Variants in EXOC6B observed in about 807,000 individuals in gnomAD.
EXOC6B encodes exocyst complex component 6B.
A neutral mutation model predicts 113.5 loss-of-function variants in EXOC6B; 54 were observed. That is an observed-to-expected ratio of 0.48 (90% CI 0.38 to 0.60). The LOEUF (loss-of-function observed/expected upper bound fraction) is 0.60. Ranked by LOEUF, EXOC6B falls within the 20% of genes least tolerant of loss-of-function variation. The pLI is 0.00. For synonymous variants in EXOC6B, 357 were observed against 339.0 expected (o/e 1.05, Z -0.58); for missense variants, 797 against 977.5 (o/e 0.82, Z 2.46).
At chr2:72,714,351 T>C (rs1374571873) in intron 6 of EXOC6B, among the ~76,000 whole-genome samples, 2 of 152,088 alleles carry the variant, frequency 1.3e-5, no homozygotes, top group Non-Finnish European at 2.9e-5. Flanking sequence ...AAACAACTGG[T>C]AAAATTGGAA....
intron 6 of EXOC6B, among the ~76,000 whole-genome samples, chr2:72,638,544 G>A (rs980287404): frequency 2.6e-5 from 4 of 152,164 alleles, no homozygotes; most frequent in Admixed American, 6.5e-5. Flanking sequence ...AACCCTACAT[G>A]AGGCTGCAGC....
intron 6 of EXOC6B, among the ~76,000 whole-genome samples, chr2:72,581,175 A>G (rs1029656285): frequency 2.6e-5 from 4 of 152,240 alleles, no homozygotes; most frequent in African/African-American, 9.6e-5. Flanking sequence ...GAAGAATCCA[A>G]AGATGCCACT....
chr2:72,814,685 C>T (rs1686119015), intron 1 of EXOC6B, among the ~76,000 whole-genome samples: 2 of 152,162 alleles, frequency 1.3e-5, no homozygotes, highest in South Asian at 2.1e-4. Context: ...TAACAGATCT[C>T]AATTTTTTAA....
At chr2:72,258,262 T>C (rs1442799651) in intron 20 of EXOC6B, among the ~76,000 whole-genome samples, 1 of 152,102 alleles carries the variant, frequency 6.6e-6, no homozygotes, top group African/African-American at 2.4e-5. Flanking sequence ...AACGACAGGG[T>C]TGATGTTTGT....
At chr2:72,518,786 C>G (rs1476727427) in intron 8 of EXOC6B, among the ~76,000 whole-genome samples, 1 of 152,002 alleles carries the variant, frequency 6.6e-6, no homozygotes, top group Admixed American at 6.6e-5. Context: ...GGTATTTGTA[C>G]TGTAGCGACC....
intron 6 of EXOC6B, among the ~76,000 whole-genome samples, chr2:72,700,370 G>C (rs915452777): frequency 3.9e-5 from 6 of 151,906 alleles, no homozygotes; most frequent in African/African-American, 1.5e-4. Context: ...GGAAATTGAA[G>C]AACAGAAAAA....
chr2:72,437,341 C>T (rs1695941706), intron 18 of EXOC6B, among the ~76,000 whole-genome samples: 1 of 152,216 alleles, frequency 6.6e-6, no homozygotes, highest in South Asian at 2.1e-4. Context: ...TCAACCCCTG[C>T]TGGGAGGTGT....
chr2:72,683,948 T>C (rs926975758), intron 6 of EXOC6B, among the ~76,000 whole-genome samples: 4 of 152,208 alleles, frequency 2.6e-5, no homozygotes, highest in Non-Finnish European at 5.9e-5. Context: ...ACTTATTTAT[T>C]TGAGACAGAG....
At chr2:72,539,535 A>C (rs952806606) in intron 8 of EXOC6B, among the ~76,000 whole-genome samples, 1 of 152,156 alleles carries the variant, frequency 6.6e-6, no homozygotes, top group Non-Finnish European at 1.5e-5. Flanking sequence ...TTGCCCCTAG[A>C]CTACAGCCTC....
At chr2:72,322,429 T>G (rs918688160) in intron 20 of EXOC6B, among the ~76,000 whole-genome samples, 1 of 152,094 alleles carries the variant, frequency 6.6e-6, no homozygotes, top group Non-Finnish European at 1.5e-5. Flanking sequence ...GACAAAGGGA[T>G]GGGACTAATT....
intron 8 of EXOC6B, among the ~76,000 whole-genome samples, chr2:72,539,255 A>G (rs1423900516): frequency 6.6e-6 from 1 of 151,890 alleles, no homozygotes; most frequent in African/African-American, 2.4e-5. Context: ...TGTTATTTCT[A>G]CTCCCCACGA....
rs1188174081 is a variant in EXOC6B, at chr2:72,557,195, A to T, written c.915+2258T>A. Among the ~76,000 whole-genome samples the T allele has an allele frequency of 4.0e-5, 6 of 149,762 alleles. No individual in the cohort carries two copies. In the East Asian group the frequency reaches 1.2e-3, roughly 30 times the overall value. On this transcript the variant is annotated intron_variant, in intron 8 of 21. Transcript: ENST00000272427. The stretch of plus-strand genomic sequence containing the variant: ...ATTTACACATCTATGACCATATATT[A>T]CATATATTAGTGTTATTATTCTTGG...
At chr2:72,625,899 A>C (rs952806807) in intron 6 of EXOC6B, among the ~76,000 whole-genome samples, 1 of 152,206 alleles carries the variant, frequency 6.6e-6, no homozygotes, top group Non-Finnish European at 1.5e-5. Context: ...GGTTTTTTAC[A>C]AAACTATTAC....
chr2:72,301,316 G>C (rs1413684351), intron 20 of EXOC6B, among the ~76,000 whole-genome samples: 1 of 152,108 alleles, frequency 6.6e-6, no homozygotes, highest in Non-Finnish European at 1.5e-5. Flanking sequence ...CTTTTTATGT[G>C]TTTATGTCTC....
At chr2:72,593,238 T>G (rs1706087858) in intron 6 of EXOC6B, among the ~76,000 whole-genome samples, 1 of 152,108 alleles carries the variant, frequency 6.6e-6, no homozygotes, top group South Asian at 2.1e-4. Context: ...CTATGTTTAT[T>G]AGTAAGTAAA....
At chr2:72,258,210 C>T (rs1048696558) in intron 20 of EXOC6B, among the ~76,000 whole-genome samples, 2 of 152,090 alleles carry the variant, frequency 1.3e-5, no homozygotes, top group Non-Finnish European at 2.9e-5. Context: ...ATGAACAGTA[C>T]CAAAGCATTT....
intron 1 of EXOC6B, among the ~76,000 whole-genome samples, chr2:72,814,310 T>A (rs531448582): frequency 6.6e-6 from 1 of 152,352 alleles, no homozygotes; most frequent in East Asian, 1.9e-4. Flanking sequence ...AATACTGAAA[T>A]GATAGAACTG....
chr2:72,330,886 C>A (rs1688382371), intron 20 of EXOC6B, among the ~76,000 whole-genome samples: 1 of 151,996 alleles, frequency 6.6e-6, no homozygotes, highest in Admixed American at 6.6e-5. Flanking sequence ...GTAAATAAAT[C>A]TAGGTTAGGT....
At position 72,731,069 on chromosome 2, in the gene EXOC6B, G is replaced by C. The variant is rs779958359; in HGVS notation, c.419-17C>G. On this transcript the variant is annotated splice_polypyrimidine_tract_variant and intron_variant, in intron 4 of 21. Transcript: ENST00000272427. ...TCTCTAGGACTTAAAAGAAAGAAAA[G>C]AATACACAAACATGATTTAGAGAAA... The C allele has an allele frequency of 1.0e-5, 16 of 1,556,012 alleles. No homozygotes were observed. In the African/African-American group the frequency reaches 1.8e-4, roughly 17 times the overall value.
Sources: gnomAD v4.1 joint callset for allele counts (sites outside exome capture counted in the v4.1 genomes callset) on GRCh38, gnomAD v4.1.1 for gene constraint, MANE v1.5 for transcripts, NCBI Gene and HGNC (gene_info 2026-07-23, HGNC 2026-07-21) for gene names.